SND1: variants seen among roughly 807,000 people sequenced by gnomAD.
SND1 encodes the protein staphylococcal nuclease domain-containing protein 1.
Under a neutral mutation model 121.7 loss-of-function variants are expected in SND1, and 38 were observed. The observed-to-expected ratio is 0.31, with a 90% CI of 0.24 to 0.41. SND1 has a LOEUF of 0.41. SND1 is among the 10% of genes least tolerant of loss of function. The pLI is 1.00. For synonymous variants in SND1, 401 were observed against 447.4 expected, an observed-to-expected ratio of 0.90 and a Z score of 1.31; for missense variants, 868 against 1,184.6, an observed-to-expected ratio of 0.73 and a Z score of 3.92.
chr7:127,890,696 G>A (rs969912374), intron 13 of SND1, among the ~76,000 whole-genome samples: 1 of 152,144 alleles, frequency 6.6e-6, no homozygotes, highest in Non-Finnish European at 1.5e-5. Context: ...GTTAGAAATA[G>A]CCATGTTTTG....
chr7:127,738,470 G>A (rs189850286), intron 10 of SND1, among the ~76,000 whole-genome samples: 1,545 of 151,872 alleles, frequency 0.01, 15 homozygotes, highest in Non-Finnish European at 0.017. Context: ...AGTAGAGAGG[G>A]GTTTCACCAC....
intron 15 of SND1, among the ~76,000 whole-genome samples, chr7:127,956,356 G>A (rs896519937): frequency 3.3e-5 from 5 of 152,216 alleles, no homozygotes; most frequent in African/African-American, 1.2e-4. Context: ...GACTGTGGCA[G>A]ATACATCTGG....
chr7:127,932,884 A>AC (rs1472072622), intron 15 of SND1, among the ~76,000 whole-genome samples: 2 of 152,206 alleles, frequency 1.3e-5, no homozygotes, highest in Non-Finnish European at 2.9e-5. Context: ...AATTTGTGTG[A>AC]CTTGCTGTAT....
intron 11 of SND1, among the ~76,000 whole-genome samples, chr7:127,827,657 T>G (rs1798666815): frequency 6.6e-6 from 1 of 152,232 alleles, no homozygotes; most frequent in South Asian, 2.1e-4. Flanking sequence ...CGATGCATAT[T>G]CACAGGAATT....
chr7:127,816,315 T>C (rs534204503), intron 11 of SND1, among the ~76,000 whole-genome samples: 1 of 152,328 alleles, frequency 6.6e-6, no homozygotes, highest in African/African-American at 2.4e-5. Flanking sequence ...TAAGAATAAT[T>C]AGCACAAGAC....
chr7:127,759,626 G>A (rs901438787), intron 10 of SND1, among the ~76,000 whole-genome samples: 1 of 152,152 alleles, frequency 6.6e-6, no homozygotes, highest in African/African-American at 2.4e-5. Context: ...CTGGAGTGTT[G>A]CTTGCCCCCA....
chr7:128,056,261 C>A, intron 16 of SND1, among the ~76,000 whole-genome samples: 1 of 152,220 alleles, frequency 6.6e-6, no homozygotes, highest in African/African-American at 2.4e-5. Context: ...CATTTATGAT[C>A]TATCCCCTGC....
At chr7:128,017,891 A>G (rs1803260475) in intron 16 of SND1, among the ~76,000 whole-genome samples, 1 of 152,230 alleles carries the variant, frequency 6.6e-6, no homozygotes, top group South Asian at 2.1e-4. Context: ...CAAGTCCTAT[A>G]GGCACTGTGG....
intron 9 of SND1, among the ~76,000 whole-genome samples, chr7:127,712,176 T>C (rs1045976428): frequency 6.6e-6 from 1 of 152,162 alleles, no homozygotes; most frequent in Admixed American, 6.5e-5. Flanking sequence ...TGTTTGTTTT[T>C]GAGACAGGGT....
intron 10 of SND1, among the ~76,000 whole-genome samples, chr7:127,790,855 G>A (rs963330624): frequency 1.3e-5 from 2 of 152,168 alleles, no homozygotes; most frequent in Non-Finnish European, 2.9e-5. Context: ...TCACACTGCT[G>A]TGGCAGTCAC....
At chr7:127,718,150 G>C (rs886205656) in intron 9 of SND1, among the ~76,000 whole-genome samples, 45 of 152,142 alleles carry the variant, frequency 3.0e-4, no homozygotes, top group Admixed American at 2.8e-3. Flanking sequence ...CTATGCCTTA[G>C]GTTATCTCTT....
intron 10 of SND1, among the ~76,000 whole-genome samples, chr7:127,742,117 C>G (rs1333294906): frequency 1.3e-5 from 2 of 152,060 alleles, no homozygotes; most frequent in East Asian, 1.9e-4. Flanking sequence ...CAGCTGGTAG[C>G]TGGGCCTAGG....
At chr7:127,699,493 T>G (rs926532521) in intron 4 of SND1, among the ~76,000 whole-genome samples, 10 of 152,332 alleles carry the variant, frequency 6.6e-5, no homozygotes, top group African/African-American at 2.4e-4. Context: ...ACTTGTTCTG[T>G]TTTCAGAGTC....
intron 17 of SND1, 152 bp downstream of exon 17, chr7:128,074,842 CAGGCGAGGAG>C (rs1793479981): frequency 1.3e-6 from 1 of 760,184 alleles, no homozygotes; most frequent in Non-Finnish European, 2.1e-6. Context: ...AGGCCACACA[CAGGCGAGGAG>C]AGGCTGCCAG....
At chr7:127,755,219 T>C (rs1210435180) in intron 10 of SND1, among the ~76,000 whole-genome samples, 2 of 152,236 alleles carry the variant, frequency 1.3e-5, no homozygotes, top group Middle Eastern at 6.3e-3. Flanking sequence ...ATCTGTTGAT[T>C]AGCAAGGAGC....
rs1554422863 is a variant in SND1 at position 127,764,056 on chromosome 7, A to AAAAAAAAAC, written c.1152+42660_1152+42661insAAAACAAAA. On this transcript the variant is annotated intron_variant, in intron 10 of 23. Transcript: ENST00000354725. ...CCTGTCGCAAAAAAAAAAAAAACAAAAAAACAAAAAAACAAAAAACCCAAG... is the reference window on the plus strand; with the variant it reads ...CCTGTCGCAAAAAAAAAAAAAACAAAAAAAAAAACAAAACAAAAAAACAAAAAACCCAAG... Among the ~76,000 whole-genome samples, 149 of 135,258 alleles carry AAAAAAAAAC rather than the reference A, an allele frequency of 1.1e-3. 3 individuals are homozygous for AAAAAAAAAC. Among genetic ancestry groups the AAAAAAAAAC allele is most frequent in the Non-Finnish European group, 1.9e-3 (114 of 61,448 alleles). The allele number at this position is 135,258 out of a possible 152,430, so 88.7% of individuals were successfully genotyped here. A position where few individuals can be genotyped will look rare whatever the true frequency, so the allele number is the denominator to read the frequency against.
intron 14 of SND1, among the ~76,000 whole-genome samples, chr7:127,917,690 T>C (rs1214432680): frequency 2.0e-5 from 3 of 152,180 alleles, no homozygotes; most frequent in Non-Finnish European, 4.4e-5. Context: ...CCCAAAGTGC[T>C]GGGAACACAG....
At chr7:127,932,314 T>C (rs1247255520) in intron 15 of SND1, among the ~76,000 whole-genome samples, 1 of 152,176 alleles carries the variant, frequency 6.6e-6, no homozygotes, top group Non-Finnish European at 1.5e-5. Flanking sequence ...ACTGCAGATA[T>C]GATAGAAATA....
intron 17 of SND1, among the ~76,000 whole-genome samples, chr7:128,077,046 C>G (rs1398941195): frequency 2.0e-5 from 3 of 152,198 alleles, no homozygotes; most frequent in Admixed American, 1.3e-4. Flanking sequence ...GCCTGTCCCC[C>G]CTCCTTAACC....
Sources: allele counts gnomAD v4.1 joint callset (sites outside exome capture counted in the v4.1 genomes callset), GRCh38; gene constraint gnomAD v4.1.1; transcripts MANE v1.5; gene names NCBI Gene and HGNC (gene_info 2026-07-23, HGNC 2026-07-21).